Variants in ZNF189 observed in about 807,000 individuals in gnomAD.
The protein encoded by ZNF189 is zinc finger protein 189.
In ZNF189, 33 loss-of-function variants were observed where a neutral mutation model predicts 53.5. The observed-to-expected ratio is 0.62, with a 90% confidence interval of 0.47 to 0.82. The LOEUF is 0.82. ZNF189 is among the 40% of genes least tolerant of loss of function. The pLI is 0.00. For synonymous variants in ZNF189, 247 were observed against 238.8 expected, an observed-to-expected ratio of 1.03 and a Z score of -0.32; for missense variants, 711 against 753.9, an observed-to-expected ratio of 0.94 and a Z score of 0.67.
chr9:101,409,745 A>G lies in ZNF189; in HGVS notation c.*96A>G. ...ATGGGTCAGATTTAGTGATAAAGCA[A>G]ATTCTCCTTGGCCTCAGGCAAATAG... On this transcript the variant is annotated 3_prime_UTR_variant, in exon 3 of 3. Coordinates refer to ENST00000339664, the MANE Select transcript of ZNF189 (RefSeq NM_003452.4). The G allele has an allele frequency of 7.2e-7, 1 of 1,394,854 alleles. No individual in the cohort carries two copies. The highest frequency in any genetic ancestry group is 9.5e-7 in the Non-Finnish European group (1 of 1,051,508). The allele number at this position is 1,394,854 out of a possible 1,614,324, so 86.4% of individuals were successfully genotyped here. A position where few individuals can be genotyped will look rare whatever the true frequency, so the allele number is the denominator to read the frequency against.
Position 101,409,484 on chromosome 9 carries a change from G to A in ZNF189, c.1716G>A (p.Lys572=). The A allele has an allele frequency of 6.2e-7, 1 of 1,614,124 alleles. No individual in the cohort carries two copies. ...GAGAGAAACCTTATAAGTGTGAGAA[G>A]TGCGACAAAAGTTTCAGTCAACAGC... is the stretch of plus-strand genomic sequence containing the variant. The part of the protein sequence containing the change: ...HTGEKPYKCE[K]CDKSFSQQRS... The change falls in exon 3 of 3, where the codon AAG becomes AAA. Residue 572 remains lysine (K), a synonymous_variant. Transcript: ENST00000339664.
At chr9:101,405,112 A>G (rs1830664386) in intron 2 of ZNF189, among the ~76,000 whole-genome samples, 1 of 152,234 alleles carries the variant, frequency 6.6e-6, no homozygotes, top group Admixed American at 6.5e-5. Context: ...ATGATAAAGT[A>G]GGTAGGAACA....
At chr9:101,400,151 C>T in intron 2 of ZNF189, 141 bp downstream of exon 2, 2 of 1,154,936 alleles carry the variant, frequency 1.7e-6, no homozygotes, top group South Asian at 1.6e-5. Flanking sequence ...TTAATTGTTT[C>T]CATAACTCTC....
chr9:101,407,893 T>G, intron 2 of ZNF189, 36 bp from the exon 3 acceptor site: 1 of 1,480,376 alleles, frequency 6.8e-7, no homozygotes, highest in Non-Finnish European at 8.9e-7. Context: ...TTCAAAGACC[T>G]TGGTTGATCT....
rs1376571478 is a variant in ZNF189 at position 101,409,288 on chromosome 9, C to T, written c.1520C>T (p.Thr507Ile). ...SFLIEHQRIH[T>I]GERPYLCRQC... ...CTTATTGAACATCAGAGAATCCACA[C>T]TGGTGAGAGACCCTATCTGTGCAGA... is the stretch of plus-strand genomic sequence containing the variant. The change falls in exon 3 of 3, where the codon ACT (threonine) becomes ATT (isoleucine). Residue 507 changes from threonine (T) to isoleucine (I), a missense_variant. By Grantham distance (89) the Thr-to-Ile change is moderately conservative. Transcript: ENST00000339664. 1.2e-6 allele frequency: 2 copies of T among 1,614,062 alleles called. No individual in the cohort carries two copies. The highest frequency in any genetic ancestry group is 2.7e-5 in the African/African-American group (2 of 74,928).
In ZNF189 at chr9:101,408,838, C is replaced by T. The variant is rs1830823849; in HGVS notation, c.1070C>T (p.Ser357Leu). The T allele has an allele frequency of 6.2e-6, 10 of 1,614,062 alleles. No individual in the cohort carries two copies. Among genetic ancestry groups the T allele is most frequent in the Non-Finnish European group, 8.5e-6 (10 of 1,180,030 alleles). ...IECGKSFSRS[S>L]FLIEHQRIHT... is the part of the protein sequence containing the mutation. ...TGTGGAAAAAGTTTCAGTCGGAGCT[C>T]ATTCCTTATTGAACATCAGAGGATC... The change falls in exon 3 of 3, where the codon TCA becomes TTA. Residue 357 changes from serine (S) to leucine (L), a missense_variant. Physicochemically the swap from Ser to Leu is moderately radical, Grantham distance 145. Transcript: ENST00000339664.
At chr9:101,407,793 A>T in intron 2 of ZNF189, 136 bp from the exon 3 acceptor site, 1 of 878,352 alleles carries the variant, frequency 1.1e-6, no homozygotes, top group African/African-American at 1.7e-5. Context: ...GTTTTTTTTC[A>T]TCCTACCCTG....
At chr9:101,401,481 C>G (rs1439749645) in intron 2 of ZNF189, among the ~76,000 whole-genome samples, 2 of 152,082 alleles carry the variant, frequency 1.3e-5, no homozygotes, top group Non-Finnish European at 2.9e-5. Context: ...CCCTTGGTAC[C>G]CTTATTCTGA....
rs777719704 is a variant in ZNF189, at chr9:101,409,498, T to G, written c.1730T>G (p.Phe577Cys). 3 of 1,613,984 alleles carry G rather than the reference T, an allele frequency of 1.9e-6. No homozygotes were observed. Among genetic ancestry groups the G allele is most frequent in the Non-Finnish European group, 2.5e-6 (3 of 1,180,016 alleles). ...AAGTGTGAGAAGTGCGACAAAAGTT[T>G]CAGTCAACAGCGCAGTCTTGTCAAC... is the stretch of plus-strand genomic sequence containing the variant. ...PYKCEKCDKS[F>C]SQQRSLVNHQ... The change falls in exon 3 of 3, where the codon TTC becomes TGC. Residue 577 changes from phenylalanine to cysteine, a missense_variant. Coordinates refer to ENST00000339664, the MANE Select transcript of ZNF189 (RefSeq NM_003452.4).
chr9:101,399,766 C>A (rs1372237189), intron 1 of ZNF189, 118 bp from the exon 2 acceptor site: 1 of 1,493,568 alleles, frequency 6.7e-7, no homozygotes, highest in Non-Finnish European at 9.1e-7. Flanking sequence ...ATGGAACTTT[C>A]AGTTATCATG....
rs139355958 is a variant in ZNF189, at chr9:101,407,477, T to A, written c.161-452T>A. 1,010 of 399,074 alleles carry A rather than the reference T, an allele frequency of 2.5e-3. 6 individuals carry two copies. Among genetic ancestry groups the A allele is most frequent in the African/African-American group, 0.014 (685 of 48,732 alleles). The allele number at this position is 399,074 out of a possible 1,614,324, so 24.7% of individuals were successfully genotyped here. A position where few individuals can be genotyped will look rare whatever the true frequency, so the allele number is the denominator to read the frequency against. On this transcript the variant is annotated intron_variant, in intron 2 of 2. Coordinates refer to ENST00000339664, the MANE Select transcript of ZNF189 (RefSeq NM_003452.4). ...CACAGCTTGCTGCAGCCTCAACCTG[T>A]TGGGCTTAAGTGATCAATCCTCCCA...
chr9:101,401,557 G>C (rs1830535376), intron 2 of ZNF189, among the ~76,000 whole-genome samples: 1 of 152,164 alleles, frequency 6.6e-6, no homozygotes. Context: ...TCCCTCCTAT[G>C]AGTCAGACTC....
At chr9:101,403,691 G>C (rs1028512793) in intron 2 of ZNF189, among the ~76,000 whole-genome samples, 6 of 152,184 alleles carry the variant, frequency 3.9e-5, no homozygotes, top group Non-Finnish European at 7.4e-5. Flanking sequence ...TGGCAGAAGG[G>C]GAGAGAGATA....
At position 101,399,758 on chromosome 9, in the gene ZNF189, G is replaced by T. The variant is rs565163558; in HGVS notation, c.34-126G>T. 2.4e-4 allele frequency: 349 copies of T among 1,471,890 alleles called. 5 individuals are homozygous for T. In the South Asian group the frequency reaches 4.1e-3, roughly 17 times the overall value. The allele number at this position is 1,471,890 out of a possible 1,614,324, so 91.2% of individuals were successfully genotyped here. On this transcript the variant is annotated intron_variant, in intron 1 of 2. Coordinates refer to ENST00000339664, the MANE Select transcript of ZNF189 (RefSeq NM_003452.4). ...TCGTTCCCAGAATTGGGCAACATAT[G>T]GAACTTTCAGTTATCATGTTCCTCC...
chr9:101,406,939 T>C (rs1446244606), intron 2 of ZNF189, among the ~76,000 whole-genome samples: 1 of 152,154 alleles, frequency 6.6e-6, no homozygotes, highest in Non-Finnish European at 1.5e-5. Context: ...GAACCTTGGG[T>C]CTTATATTGT....
chr9:101,404,266 G>A (rs1272392576), intron 2 of ZNF189, among the ~76,000 whole-genome samples: 1 of 152,124 alleles, frequency 6.6e-6, no homozygotes, highest in Admixed American at 6.5e-5. Flanking sequence ...TACATTTTGT[G>A]TCTGGTAATA....
intron 2 of ZNF189, 112 bp downstream of exon 2, chr9:101,400,122 G>C (rs1288385221): frequency 2.2e-6 from 3 of 1,383,192 alleles, no homozygotes; most frequent in Non-Finnish European, 3.0e-6. Context: ...CCAAAGTTCT[G>C]ATTCAAACCT....
intron 2 of ZNF189, among the ~76,000 whole-genome samples, chr9:101,402,142 C>T (rs978943508): frequency 2.0e-5 from 3 of 152,126 alleles, no homozygotes; most frequent in Non-Finnish European, 4.4e-5. Context: ...TCTCGAACTC[C>T]CGATCTCAGG....
At chr9:101,401,401 A>T (rs184007018) in intron 2 of ZNF189, among the ~76,000 whole-genome samples, 2 of 152,300 alleles carry the variant, frequency 1.3e-5, no homozygotes, top group East Asian at 3.9e-4. Context: ...AGCTGCTCTC[A>T]TCTTCTCACC....
Sources: allele counts gnomAD v4.1 joint callset (sites outside exome capture counted in the v4.1 genomes callset), GRCh38; gene constraint gnomAD v4.1.1; transcripts MANE v1.5; gene names NCBI Gene and HGNC (gene_info 2026-07-23, HGNC 2026-07-21).